The following NBEA variants were observed in gnomAD, a reference collection of about 807,000 sequenced individuals.
NBEA encodes lysosomal-trafficking regulator 2.
Under a neutral mutation model 343.4 loss-of-function variants are expected in NBEA, and 44 were observed. That is an observed-to-expected ratio of 0.13 (90% confidence interval 0.10 to 0.16). NBEA has a LOEUF of 0.16. Ranked by LOEUF, NBEA falls within the 10% of genes least tolerant of loss-of-function variation. The probability of loss-of-function intolerance (pLI) is 1.00; values close to 1 mark genes in which losing one functional copy is unlikely to be tolerated. For synonymous variants in NBEA, 1,175 were observed against 1,238.7 expected, an observed-to-expected ratio of 0.95 and a Z score of 1.08; for missense variants, 2,555 against 3,631.3, an observed-to-expected ratio of 0.70 and a Z score of 7.62.
At chr13:35,421,829 ATAT>A (rs1335560383) in intron 38 of NBEA, among the ~76,000 whole-genome samples, 4 of 152,122 alleles carry the variant, frequency 2.6e-5, no homozygotes, top group Non-Finnish European at 4.4e-5. Flanking sequence ...CACCTAAAAA[ATAT>A]TTTGCCACTT....
intron 51 of NBEA, among the ~76,000 whole-genome samples, chr13:35,649,186 ATTAT>A (rs1387071124): frequency 6.6e-6 from 1 of 152,182 alleles, no homozygotes; most frequent in Non-Finnish European, 1.5e-5. Flanking sequence ...CTGTATTTTA[ATTAT>A]TTAGACTGTA....
intron 55 of NBEA, 39 bp downstream of exon 55, chr13:35,655,788 T>G: frequency 1.3e-6 from 2 of 1,543,146 alleles, no homozygotes; most frequent in Non-Finnish European, 1.8e-6. Flanking sequence ...CAAACTATAG[T>G]TTATTTAAAT....
chr13:35,554,691 TTAAGTA>T (rs1235344159), intron 43 of NBEA, among the ~76,000 whole-genome samples: 1 of 152,216 alleles, frequency 6.6e-6, no homozygotes, highest in Non-Finnish European at 1.5e-5. Flanking sequence ...TTGATTTATC[TTAAGTA>T]TAGTTTTACT....
chr13:35,462,415 A>G (rs139935043), intron 40 of NBEA, among the ~76,000 whole-genome samples: 42 of 152,304 alleles, frequency 2.8e-4, no homozygotes, highest in African/African-American at 9.6e-4. Context: ...GTTGTTGCAG[A>G]TGGCGGGAAA....
intron 38 of NBEA, among the ~76,000 whole-genome samples, chr13:35,413,171 G>C (rs1016786819): frequency 6.6e-6 from 1 of 152,080 alleles, no homozygotes; most frequent in Non-Finnish European, 1.5e-5. Flanking sequence ...ACATGATTAA[G>C]TTCAAAGTGA....
intron 39 of NBEA, among the ~76,000 whole-genome samples, chr13:35,441,069 T>C (rs78438818): frequency 0.024 from 3,700 of 152,296 alleles, 167 homozygotes; most frequent in African/African-American, 0.085. Context: ...ACTTATGTAT[T>C]TCATTTTTTA....
intron 45 of NBEA, among the ~76,000 whole-genome samples, chr13:35,573,905 T>C (rs570189055): frequency 1.3e-5 from 2 of 152,330 alleles, no homozygotes; most frequent in East Asian, 3.9e-4. Context: ...TTAACCTTTC[T>C]TTCCAGCTGA....
At chr13:35,314,952 C>A (rs753878531) in intron 36 of NBEA, among the ~76,000 whole-genome samples, 11 of 152,140 alleles carry the variant, frequency 7.2e-5, no homozygotes, top group African/African-American at 2.7e-4. Context: ...GATGCAGTTC[C>A]AGTAAAAAGC....
At chr13:35,247,398 C>T (rs1020358048) in intron 34 of NBEA, among the ~76,000 whole-genome samples, 1 of 152,098 alleles carries the variant, frequency 6.6e-6, no homozygotes, top group African/African-American at 2.4e-5. Context: ...TCCCCAAAGA[C>T]CCCAGTGAGA....
chr13:35,318,312 G>C (rs2037888322), intron 36 of NBEA, among the ~76,000 whole-genome samples: 3 of 152,068 alleles, frequency 2.0e-5, no homozygotes, highest in Admixed American at 1.3e-4. Flanking sequence ...TTGCTTGAAG[G>C]GGTGTTGAAT....
intron 8 of NBEA, among the ~76,000 whole-genome samples, chr13:35,068,314 A>G (rs2063731031): frequency 6.6e-6 from 1 of 152,144 alleles, no homozygotes; most frequent in Non-Finnish European, 1.5e-5. Context: ...TTTCCACAAA[A>G]TGATTTTAAA....
At chr13:34,982,732 A>G (rs2060400007) in intron 1 of NBEA, among the ~76,000 whole-genome samples, 1 of 152,154 alleles carries the variant, frequency 6.6e-6, no homozygotes, top group Non-Finnish European at 1.5e-5. Flanking sequence ...GAACACTTGT[A>G]AAGAATGGTG....
chr13:35,090,605 A>G (rs935148784), intron 10 of NBEA, among the ~76,000 whole-genome samples: 1 of 151,900 alleles, frequency 6.6e-6, no homozygotes, highest in Admixed American at 6.6e-5. Flanking sequence ...GCTATATGCC[A>G]ATATCTGGGC....
chr13:35,471,163 G>A (rs2075627554), intron 40 of NBEA, among the ~76,000 whole-genome samples: 1 of 152,202 alleles, frequency 6.6e-6, no homozygotes, highest in Non-Finnish European at 1.5e-5. Context: ...AGCCAGCCCA[G>A]CCCTCTGTGT....
chr13:35,558,608 C>G (rs2079699917), intron 44 of NBEA, among the ~76,000 whole-genome samples: 1 of 152,048 alleles, frequency 6.6e-6, no homozygotes, highest in South Asian at 2.1e-4. Flanking sequence ...AAGTGTAGTC[C>G]CCTGACCTGC....
chr13:35,402,412 A>C (rs2043042594), intron 38 of NBEA, among the ~76,000 whole-genome samples: 1 of 152,078 alleles, frequency 6.6e-6, no homozygotes, highest in Non-Finnish European at 1.5e-5. Context: ...AAAGATTGCC[A>C]TATGGATGCT....
chr13:35,292,256 C>T (rs2152819192), intron 35 of NBEA, among the ~76,000 whole-genome samples: 1 of 152,046 alleles, frequency 6.6e-6, no homozygotes, highest in Non-Finnish European at 1.5e-5. Flanking sequence ...TAAGGACACA[C>T]ATACCAAAAA....
At chr13:35,091,672 C>T (rs960491372) in intron 10 of NBEA, among the ~76,000 whole-genome samples, 8 of 151,742 alleles carry the variant, frequency 5.3e-5, no homozygotes, top group African/African-American at 1.9e-4. Flanking sequence ...AATGTGAAAC[C>T]ACATTTAAAA....
chr13:35,358,728 A>T (rs1044714374), intron 38 of NBEA, among the ~76,000 whole-genome samples: 2 of 152,004 alleles, frequency 1.3e-5, no homozygotes, highest in Admixed American at 6.6e-5. Context: ...AAAAAAAAAA[A>T]TTATGGAAAT....
Sources: allele counts gnomAD v4.1 joint callset (sites outside exome capture counted in the v4.1 genomes callset), GRCh38; gene constraint gnomAD v4.1.1; transcripts MANE v1.5; gene names NCBI Gene and HGNC (gene_info 2026-07-23, HGNC 2026-07-21).